EGF: variants seen among roughly 807,000 people sequenced by gnomAD.
EGF encodes epidermal growth factor.
EGF carries 95 observed loss-of-function variants against 143.8 expected under a neutral mutation model. That is an observed-to-expected ratio of 0.66 (90% confidence interval 0.56 to 0.78). EGF has a LOEUF of 0.78. EGF is among the 30% of genes least tolerant of loss of function. The pLI is 0.00. For synonymous variants in EGF, 510 were observed against 510.5 expected (o/e 1.00, Z 0.01); for missense variants, 1,320 against 1,470.9 (o/e 0.90, Z 1.68).
At chr4:110,006,976 C>T (rs764437352) in intron 22 of EGF, among the ~76,000 whole-genome samples, 3 of 152,072 alleles carry the variant, frequency 2.0e-5, no homozygotes, top group East Asian at 3.9e-4. Context: ...CAGAGAGGCA[C>T]GAGGTTAGAA....
intron 17 of EGF, 21 bp from the exon 18 acceptor site, chr4:109,988,563 A>C: frequency 6.2e-7 from 1 of 1,613,836 alleles, no homozygotes; most frequent in Non-Finnish European, 8.5e-7. Flanking sequence ...ATATTGCACT[A>C]GTTCATAATT....
chr4:109,932,042 A>C (rs1018011969), intron 1 of EGF, among the ~76,000 whole-genome samples: 16 of 151,974 alleles, frequency 1.1e-4, no homozygotes, highest in African/African-American at 3.9e-4. Context: ...TTATTGGTTC[A>C]TGGTGTTATG....
intron 5 of EGF, among the ~76,000 whole-genome samples, chr4:109,949,518 A>G (rs1056593966): frequency 5.3e-5 from 8 of 151,984 alleles, no homozygotes; most frequent in Non-Finnish European, 1.2e-4. Flanking sequence ...TGTGTGCATC[A>G]TTACTCTCTA....
At chr4:109,950,185 G>A (rs1047040095) in intron 5 of EGF, among the ~76,000 whole-genome samples, 4 of 152,158 alleles carry the variant, frequency 2.6e-5, no homozygotes. Context: ...TTTCTTGCAA[G>A]TGTTTCAGGC....
chr4:109,985,109 A>T lies in EGF; in HGVS notation c.2491+1568A>T, dbSNP rs2126128047. Among the ~76,000 whole-genome samples the T allele has an allele frequency of 2.6e-5, 4 of 152,334 alleles. No homozygotes were observed. The Middle Eastern group carries it at 0.01, about 391-fold the overall frequency. ...GTTGAGGGACTGAAAGACTAAGATAAATGACAGATAGGTGGGAATGGGGGA... is the reference window on the plus strand; with the variant it reads ...GTTGAGGGACTGAAAGACTAAGATATATGACAGATAGGTGGGAATGGGGGA... On this transcript the variant is annotated intron_variant, in intron 16 of 23. Coordinates refer to ENST00000265171, the MANE Select transcript of EGF (RefSeq NM_001963.6).
chr4:109,995,084 A>G (rs1423902693), intron 20 of EGF, among the ~76,000 whole-genome samples: 1 of 152,200 alleles, frequency 6.6e-6, no homozygotes, highest in Non-Finnish European at 1.5e-5. Flanking sequence ...GTTACCGGTG[A>G]TAAGTATAAA....
At chr4:110,003,237 C>T (rs1055556283) in intron 21 of EGF, among the ~76,000 whole-genome samples, 1 of 152,144 alleles carries the variant, frequency 6.6e-6, no homozygotes. Flanking sequence ...GAAGCATCAC[C>T]GTACCGCTTT....
chr4:109,983,249 T>C (rs1189773731), intron 15 of EGF, among the ~76,000 whole-genome samples, 173 bp from the exon 16 acceptor site: 1 of 152,204 alleles, frequency 6.6e-6, no homozygotes, highest in Non-Finnish European at 1.5e-5. Context: ...GGGTGTGGGA[T>C]AGCAGGGTGA....
rs4444903 is a variant in EGF at position 109,912,954 on chromosome 4, A to G, written c.-382A>G. On this transcript the variant is annotated 5_prime_UTR_variant, in exon 1 of 24. Coordinates refer to ENST00000265171, the MANE Select transcript of EGF (RefSeq NM_001963.6). The stretch of plus-strand genomic sequence containing the variant: ...CTTTCAGCCCCAATCCAAGGGTTGT[A>G]GCTGGAACTTTCCATCAGTTCTTCC... 0.48 allele frequency: 115,530 copies of G among 241,254 alleles called. 29,908 individuals are homozygous for G. The highest frequency in any genetic ancestry group is 0.7 in the East Asian group (6,729 of 9,610). The allele number at this position is 241,254 out of a possible 1,614,324, so 14.9% of individuals were successfully genotyped here. A position where few individuals can be genotyped will look rare whatever the true frequency, so the allele number is the denominator to read the frequency against.
At chr4:109,924,380 A>G (rs1040846263) in intron 1 of EGF, among the ~76,000 whole-genome samples, 1 of 151,738 alleles carries the variant, frequency 6.6e-6, no homozygotes, top group Non-Finnish European at 1.5e-5. Flanking sequence ...CTTCCTTAAT[A>G]TATCTAGTTC....
chr4:110,008,689 A>T (rs1225475560), intron 23 of EGF, among the ~76,000 whole-genome samples: 1 of 152,206 alleles, frequency 6.6e-6, no homozygotes, highest in African/African-American at 2.4e-5. Flanking sequence ...CAGAGTATTC[A>T]GGTCTTATCA....
At chr4:109,992,170 T>TAAAAAAAAAAAAAAAAAAAAAAA (rs58841408) in intron 18 of EGF, among the ~76,000 whole-genome samples, 4 of 65,634 alleles carry the variant, frequency 6.1e-5, no homozygotes, top group Non-Finnish European at 1.0e-4. Context: ...CAAGATTCTT[T>TAAAAAAAAAAAAAAAAAAAAAAA]AAAAAAAAAA....
chr4:109,935,740 A>G (rs1740660984), intron 1 of EGF, among the ~76,000 whole-genome samples: 1 of 150,556 alleles, frequency 6.6e-6, no homozygotes, highest in Admixed American at 6.6e-5. Flanking sequence ...CAATACCAAG[A>G]GTTTTTAGCA....
Position 110,008,134 on chromosome 4 carries a change from C to T in EGF, c.3292-18C>T, listed in dbSNP as rs751366823. 2 of 1,608,630 alleles carry T rather than the reference C, an allele frequency of 1.2e-6. No individual in the cohort carries two copies. The highest frequency in any genetic ancestry group is 1.7e-6 in the Non-Finnish European group (2 of 1,175,038). On this transcript the variant is annotated intron_variant, in intron 22 of 23. Transcript: ENST00000265171. ...AATTTTAACAATATCCTCTCTCCCT[C>T]CTTTTTGTTGTCTGCAGTTTGTGGT...
chr4:109,927,515 G>A (rs567021689), intron 1 of EGF, among the ~76,000 whole-genome samples: 1 of 152,116 alleles, frequency 6.6e-6, no homozygotes, highest in East Asian at 1.9e-4. Flanking sequence ...ACGAGGTCAG[G>A]AGATTGAGAC....
chr4:109,985,225 C>T (rs1749961294), intron 16 of EGF, among the ~76,000 whole-genome samples: 1 of 152,176 alleles, frequency 6.6e-6, no homozygotes, highest in African/African-American at 2.4e-5. Flanking sequence ...GTGAAAAACC[C>T]CTCATCTTTC....
At position 109,961,096 on chromosome 4, in the gene EGF, A is replaced by C; in HGVS notation, c.1189+107A>C. The C allele has an allele frequency of 3.9e-6, 5 of 1,283,884 alleles. No homozygotes were observed. In the South Asian group the frequency reaches 5.0e-5, roughly 13 times the overall value. 79.5% of individuals were successfully genotyped at this position (1,283,884 alleles called of 1,614,324 possible). A position where few individuals can be genotyped will look rare whatever the true frequency, so the allele number is the denominator to read the frequency against. ...TGATCTTCAATCAGCAGTGTGCATC[A>C]TAATTACCTTTGAGTTTTATTTTGT... On this transcript the variant is annotated intron_variant, in intron 7 of 23. Coordinates refer to ENST00000265171, the MANE Select transcript of EGF (RefSeq NM_001963.6).
rs768225219 is a variant in EGF, at chr4:109,968,980, G to T, written c.1585G>T (p.Ala529Ser). 22 of 1,613,950 alleles carry T rather than the reference G, an allele frequency of 1.4e-5. No homozygotes were observed. The African/African-American group carries it at 2.8e-4, about 21-fold the overall frequency. Residue 529 changes from alanine (A) to serine (S), a missense_variant, in exon 11 of 24, where the codon GCC becomes TCC. By Grantham distance (99) the Ala-to-Ser change is moderately conservative. Coordinates refer to ENST00000265171, the MANE Select transcript of EGF (RefSeq NM_001963.6). The part of the protein sequence containing the change: ...HDPVENKIYF[A>S]HTALKWIERA... ...GTGTTCTCTTTTGTAGATATACTTT[G>T]CCCATACAGCCCTGAAGTGGATAGA...
chr4:109,986,037 C>A (rs1750064661), intron 16 of EGF, among the ~76,000 whole-genome samples: 1 of 151,890 alleles, frequency 6.6e-6, no homozygotes, highest in African/African-American at 2.4e-5. Flanking sequence ...TCCTTAGAAC[C>A]ATCATGAAAA....
Sources: gnomAD v4.1 joint callset for allele counts (sites outside exome capture counted in the v4.1 genomes callset) on GRCh38, gnomAD v4.1.1 for gene constraint, MANE v1.5 for transcripts, NCBI Gene and HGNC (gene_info 2026-07-23, HGNC 2026-07-21) for gene names.